DCC: variants seen among roughly 807,000 people sequenced by gnomAD.
DCC encodes the protein netrin receptor DCC.
A neutral mutation model predicts 172.5 loss-of-function variants in DCC; 58 were observed. The observed-to-expected ratio is 0.34, with a 90% CI of 0.27 to 0.42. The LOEUF is 0.42. Ranked by LOEUF, DCC falls within the 10% of genes least tolerant of loss-of-function variation. The probability of loss-of-function intolerance (pLI) is 1.00; values close to 1 mark genes in which losing one functional copy is unlikely to be tolerated. For missense variants in DCC, 1,740 were observed against 1,791.0 expected, an observed-to-expected ratio of 0.97 and a Z score of 0.51; for synonymous variants, 709 against 644.5, an observed-to-expected ratio of 1.10 and a Z score of -1.52.
intron 17 of DCC, among the ~76,000 whole-genome samples, chr18:53,396,539 C>T (rs1443452716): frequency 6.6e-6 from 1 of 152,262 alleles, no homozygotes; most frequent in East Asian, 1.9e-4. Context: ...AATTGCTGTT[C>T]CTTCCTTGAT....
intron 15 of DCC, among the ~76,000 whole-genome samples, chr18:53,384,759 T>C (rs923658495): frequency 1.3e-5 from 2 of 152,106 alleles, no homozygotes; most frequent in African/African-American, 4.8e-5. Context: ...TTCTACTTTT[T>C]ATCCATTTTC....
intron 21 of DCC, among the ~76,000 whole-genome samples, chr18:53,417,166 A>G (rs1484069557): frequency 6.6e-6 from 1 of 152,178 alleles, no homozygotes; most frequent in Non-Finnish European, 1.5e-5. Context: ...ATACTTTTTA[A>G]CTTTTGACAA....
At chr18:52,812,540 G>A (rs1029489007) in intron 2 of DCC, among the ~76,000 whole-genome samples, 7 of 152,122 alleles carry the variant, frequency 4.6e-5, no homozygotes, top group African/African-American at 1.2e-4. Flanking sequence ...GAACTTGGCA[G>A]GAAAGTTATC....
At chr18:53,420,375 A>T (rs1910574916) in intron 21 of DCC, among the ~76,000 whole-genome samples, 1 of 152,214 alleles carries the variant, frequency 6.6e-6, no homozygotes, top group African/African-American at 2.4e-5. Context: ...GGGTGGCAAC[A>T]GCGCTGATTA....
intron 3 of DCC, among the ~76,000 whole-genome samples, chr18:52,912,018 C>A (rs2039977564): frequency 6.6e-6 from 1 of 151,914 alleles, no homozygotes; most frequent in Admixed American, 6.6e-5. Context: ...CAGTCTATTT[C>A]CATGGATTCT....
chr18:52,373,667 T>C (rs571938199), intron 1 of DCC, among the ~76,000 whole-genome samples: 19 of 152,190 alleles, frequency 1.2e-4, no homozygotes, highest in African/African-American at 4.6e-4. Context: ...CTCTCTCTTT[T>C]TCCTTCACTT....
intron 2 of DCC, among the ~76,000 whole-genome samples, chr18:52,874,310 A>T (rs906101402): frequency 1.1e-4 from 16 of 152,338 alleles, no homozygotes; most frequent in African/African-American, 3.6e-4. Context: ...CATTATAAAG[A>T]CCAATTTAAC....
chr18:52,619,343 T>C (rs73955751), intron 1 of DCC, among the ~76,000 whole-genome samples: 12,109 of 152,244 alleles, frequency 0.08, 600 homozygotes, highest in South Asian at 0.17. Context: ...AGACTGTTTT[T>C]CCCCACCCAC....
At chr18:52,681,351 A>G (rs910704249) in intron 1 of DCC, among the ~76,000 whole-genome samples, 3 of 151,976 alleles carry the variant, frequency 2.0e-5, no homozygotes, top group African/African-American at 7.3e-5. Flanking sequence ...TTGGAATCCA[A>G]ATTTGCCAGT....
At chr18:53,369,584 C>T (rs993649303) in intron 15 of DCC, among the ~76,000 whole-genome samples, 3 of 151,790 alleles carry the variant, frequency 2.0e-5, no homozygotes, top group Non-Finnish European at 4.4e-5. Flanking sequence ...AAAGTCTCAC[C>T]ATTGGGCATT....
At chr18:52,838,588 T>A (rs534932978) in intron 2 of DCC, among the ~76,000 whole-genome samples, 1 of 151,620 alleles carries the variant, frequency 6.6e-6, no homozygotes, top group Non-Finnish European at 1.5e-5. Flanking sequence ...AATCATCAAG[T>A]AATAATAAGT....
At chr18:53,201,930 C>G (rs2055543519) in intron 9 of DCC, among the ~76,000 whole-genome samples, 1 of 152,050 alleles carries the variant, frequency 6.6e-6, no homozygotes, top group South Asian at 2.1e-4. Flanking sequence ...GAGAGCAAGA[C>G]AAAACCCAGT....
chr18:53,064,459 C>A (rs904559088), intron 6 of DCC, among the ~76,000 whole-genome samples: 3 of 152,092 alleles, frequency 2.0e-5, no homozygotes, highest in African/African-American at 7.2e-5. Flanking sequence ...AGCCAGGTCT[C>A]CTGGGCAGAA....
intron 1 of DCC, among the ~76,000 whole-genome samples, chr18:52,694,417 G>A (rs145347807): frequency 6.6e-6 from 1 of 152,098 alleles, no homozygotes; most frequent in Non-Finnish European, 1.5e-5. Flanking sequence ...TCAGTTAGTA[G>A]TAAAAAAATA....
At chr18:53,360,876 T>C (rs2057937693) in intron 15 of DCC, among the ~76,000 whole-genome samples, 1 of 152,174 alleles carries the variant, frequency 6.6e-6, no homozygotes, top group Non-Finnish European at 1.5e-5. Context: ...TAGAAATTTT[T>C]TATTTCTGAG....
At chr18:52,401,787 G>T (rs1371811453) in intron 1 of DCC, among the ~76,000 whole-genome samples, 1 of 151,906 alleles carries the variant, frequency 6.6e-6, no homozygotes, top group Non-Finnish European at 1.5e-5. Flanking sequence ...CTCAATTTTA[G>T]GAAGGCTTAA....
At chr18:53,050,040 T>C (rs7244694) in intron 5 of DCC, among the ~76,000 whole-genome samples, 53,044 of 151,914 alleles carry the variant, frequency 0.35, 11,642 homozygotes, top group African/African-American at 0.63. Flanking sequence ...TGGTGTAAGT[T>C]CAAGAGTGAA....
At chr18:53,432,855 T>G (rs1384795886) in intron 21 of DCC, among the ~76,000 whole-genome samples, 1 of 152,102 alleles carries the variant, frequency 6.6e-6, no homozygotes. Flanking sequence ...AAATTAAAAT[T>G]AAAATCTGAT....
In DCC at chr18:52,928,458, C is replaced by T. The variant is rs1170720190; in HGVS notation, c.985+3088C>T. Reference sequence around the variant, plus strand: ...AAATAAAAGTTTAAAAAATTGACAACATAAATTAACGTAATATAATACAGT... The same window carrying T: ...AAATAAAAGTTTAAAAAATTGACAATATAAATTAACGTAATATAATACAGT... On this transcript the variant is annotated intron_variant, in intron 5 of 28. Transcript: ENST00000442544. 3.9e-5 allele frequency among the ~76,000 whole-genome samples: 6 copies of T among 152,068 alleles called. No homozygotes were observed. The East Asian group carries it at 9.7e-4, about 25-fold the overall frequency.
Sources: allele counts gnomAD v4.1 joint callset (sites outside exome capture counted in the v4.1 genomes callset), GRCh38; gene constraint gnomAD v4.1.1; transcripts MANE v1.5; gene names NCBI Gene and HGNC (gene_info 2026-07-23, HGNC 2026-07-21).